SYNE2: variants seen among roughly 807,000 people sequenced by gnomAD.
SYNE2 encodes spectrin repeat containing nuclear envelope protein 2.
Under a neutral mutation model 856.3 loss-of-function variants are expected in SYNE2, and 431 were observed. The ratio of observed to expected loss-of-function variants is 0.50; its 90% CI spans 0.47 to 0.55. The LOEUF (loss-of-function observed/expected upper bound fraction) is 0.55, where lower values mean the gene tolerates loss of function less well. SYNE2 is among the 20% of genes least tolerant of loss of function. The pLI is 0.00. For missense variants in SYNE2, 8,129 were observed against 8,023.2 expected, an observed-to-expected ratio of 1.01 and a Z score of -0.50; for synonymous variants, 2,923 against 2,872.3, an observed-to-expected ratio of 1.02 and a Z score of -0.56.
chr14:64,219,712 T>C (rs897917519), intron 110 of SYNE2, among the ~76,000 whole-genome samples: 2 of 152,174 alleles, frequency 1.3e-5, no homozygotes, highest in Admixed American at 1.3e-4. Context: ...CTGGAGGTGC[T>C]AGTGGACACT....
chr14:63,912,359 A>T (rs376695449), intron 2 of SYNE2, among the ~76,000 whole-genome samples: 5 of 152,236 alleles, frequency 3.3e-5, no homozygotes, highest in African/African-American at 1.2e-4. Flanking sequence ...AAAAAAAAAG[A>T]TGGACAATAT....
chr14:64,030,745 C>T (rs1021684134), intron 44 of SYNE2, among the ~76,000 whole-genome samples: 9 of 152,144 alleles, frequency 5.9e-5, no homozygotes, highest in Non-Finnish European at 2.9e-5. Context: ...TTGAACAAAA[C>T]ATATATATTC....
chr14:63,928,601 C>T (rs1432233981), intron 2 of SYNE2, among the ~76,000 whole-genome samples: 1 of 152,198 alleles, frequency 6.6e-6, no homozygotes, highest in Non-Finnish European at 1.5e-5. Flanking sequence ...TTTTCCTGTT[C>T]AAATATTTTA....
At chr14:64,026,815 T>A in intron 42 of SYNE2, 85 bp downstream of exon 42, 1 of 1,478,392 alleles carries the variant, frequency 6.8e-7, no homozygotes. Context: ...CCCCTGGGTT[T>A]GGATATAATA....
chr14:63,946,075 T>A (rs926308206), intron 6 of SYNE2, among the ~76,000 whole-genome samples: 4 of 152,168 alleles, frequency 2.6e-5, no homozygotes, highest in African/African-American at 9.7e-5. Flanking sequence ...ACTTGGCATT[T>A]AAAATTTATT....
At chr14:64,188,796 T>TA (rs1214172495) in intron 98 of SYNE2, 88 bp downstream of exon 98, 1 of 1,373,222 alleles carries the variant, frequency 7.3e-7, no homozygotes, top group Non-Finnish European at 1.0e-6. Context: ...GGGGCAATGT[T>TA]ACGGGTGTTT....
chr14:63,803,122 G>T lies in SYNE2; in HGVS notation c.-305+41136G>T, dbSNP rs563730475. ...GAGTGGCCTGTTTTGTCAGGGTGCTGATTGGTGCGTTTACAATCCCTGCGC... is the reference window on the plus strand; with the variant it reads ...GAGTGGCCTGTTTTGTCAGGGTGCTTATTGGTGCGTTTACAATCCCTGCGC... On this transcript the variant is annotated intron_variant, in intron 1 of 23. Coordinates refer to the SYNE2 transcript ENST00000674003. Among the ~76,000 whole-genome samples the T allele has an allele frequency of 3.3e-5, 5 of 152,282 alleles. No homozygotes were observed. The South Asian group carries it at 1.0e-3, about 32-fold the overall frequency.
rs750352777 is a variant in SYNE2, at chr14:64,027,542, AG to A, written c.6464del (p.Arg2155AsnfsTer2). On this transcript the variant is annotated frameshift_variant, in exon 43 of 116. Transcript: ENST00000555002. LOFTEE classifies it high-confidence loss of function. Reference sequence around the variant, plus strand: ...ATATTTACAAAGTAAGGAGGATCTGAGATTAATGCTCATAGAACTAAAGAAG... The same window carrying A: ...ATATTTACAAAGTAAGGAGGATCTGAATTAATGCTCATAGAACTAAAGAAG... ...EKYLQSKEDL[R>X]LMLIELKKKQ... 6.2e-7 allele frequency: 1 copy of A among 1,611,084 alleles called. No individual in the cohort carries two copies. Among genetic ancestry groups the A allele is most frequent in the Admixed American group, 1.7e-5 (1 of 59,784 alleles).
chr14:64,000,530 A>T, intron 27 of SYNE2, 32 bp from the exon 28 acceptor site: 1 of 1,589,262 alleles, frequency 6.3e-7, no homozygotes, highest in Non-Finnish European at 8.6e-7. Flanking sequence ...TAACCCCATT[A>T]GTTGATAAAT....
At chr14:63,822,397 A>C (rs990655614) in intron 1 of SYNE2, among the ~76,000 whole-genome samples, 4 of 152,058 alleles carry the variant, frequency 2.6e-5, no homozygotes, top group African/African-American at 9.7e-5. Flanking sequence ...CTCCATTCCC[A>C]AGGCCTGTCT....
chr14:64,184,265 A>G (rs2098477061), intron 96 of SYNE2, among the ~76,000 whole-genome samples: 1 of 151,764 alleles, frequency 6.6e-6, no homozygotes. Flanking sequence ...CAGTGTTGTC[A>G]TGGTCCCTGC....
In SYNE2 at chr14:64,225,837, A is replaced by G. The variant is rs905884617; in HGVS notation, c.*311A>G. On this transcript the variant is annotated 3_prime_UTR_variant, in exon 116 of 116. Coordinates refer to ENST00000555002, the MANE Select transcript of SYNE2 (RefSeq NM_182914.3). ...ACTTTGTGAATTCTGGTTTGTTTGT[A>G]AAACAGCATTATTATAATGTAGGTA... 4 of 585,902 alleles carry G rather than the reference A, an allele frequency of 6.8e-6. No individual in the cohort carries two copies. The African/African-American group carries it at 7.5e-5, about 11-fold the overall frequency. The allele number at this position is 585,902 out of a possible 1,614,324, so 36.3% of individuals were successfully genotyped here. A position where few individuals can be genotyped will look rare whatever the true frequency, so the allele number is the denominator to read the frequency against.
intron 30 of SYNE2, among the ~76,000 whole-genome samples, chr14:64,006,120 T>C (rs1228683988): frequency 6.6e-6 from 1 of 152,204 alleles, no homozygotes; most frequent in East Asian, 1.9e-4. Flanking sequence ...GAAAACCTTA[T>C]GGGAGTGAAT....
intron 88 of SYNE2, 59 bp downstream of exon 88, chr14:64,162,335 G>A (rs1164294794): frequency 6.5e-7 from 1 of 1,548,720 alleles, no homozygotes; most frequent in East Asian, 2.2e-5. Context: ...ATGGGGTAAG[G>A]GACAGCCATG....
chr14:63,816,238 T>C (rs1234775347), intron 1 of SYNE2, among the ~76,000 whole-genome samples: 2 of 152,072 alleles, frequency 1.3e-5, no homozygotes, highest in East Asian at 3.9e-4. Flanking sequence ...TGAGCCACCA[T>C]GCCTGGCCTA....
intron 100 of SYNE2, among the ~76,000 whole-genome samples, chr14:64,203,551 T>A (rs74560218): frequency 6.6e-6 from 1 of 152,356 alleles, no homozygotes; most frequent in African/African-American, 2.4e-5. Flanking sequence ...TGTACCCACC[T>A]GACAGGTGCT....
chr14:64,210,157 T>A, intron 103 of SYNE2, 33 bp downstream of exon 103: 1 of 1,609,702 alleles, frequency 6.2e-7, no homozygotes. Context: ...CGGGTGTAGA[T>A]TTTCCAGGAG....
At chr14:63,970,213 G>A (rs914181954) in intron 11 of SYNE2, among the ~76,000 whole-genome samples, 3 of 150,370 alleles carry the variant, frequency 2.0e-5, no homozygotes, top group Non-Finnish European at 3.0e-5. Context: ...TTTTGAGATC[G>A]AATCTCACTC....
At chr14:63,814,798 CCATATATA>C (rs1888819611) in intron 1 of SYNE2, among the ~76,000 whole-genome samples, 1 of 81,698 alleles carries the variant, frequency 1.2e-5, no homozygotes, top group Non-Finnish European at 2.5e-5. Flanking sequence ...CCATATATAT[CCATATATA>C]TCCATATATA....
Sources: allele counts gnomAD v4.1 joint callset (sites outside exome capture counted in the v4.1 genomes callset), GRCh38; gene constraint gnomAD v4.1.1; transcripts MANE v1.5; gene names NCBI Gene and HGNC (gene_info 2026-07-23, HGNC 2026-07-21).